RBFOX1: variants seen among roughly 807,000 people sequenced by gnomAD.
RBFOX1 encodes RNA binding protein fox-1 homolog 1.
In RBFOX1, 8 loss-of-function variants were observed where a neutral mutation model predicts 57.7. That is an observed-to-expected ratio of 0.14 (90% confidence interval 0.08 to 0.25). The LOEUF is 0.25. Ranked by LOEUF, RBFOX1 falls within the 10% of genes least tolerant of loss-of-function variation. The pLI is 1.00. For synonymous variants in RBFOX1, 326 were observed against 222.4 expected (o/e 1.47, Z -4.15); for missense variants, 611 against 548.5 (o/e 1.11, Z -1.14).
intron 3 of RBFOX1, among the ~76,000 whole-genome samples, chr16:6,838,936 A>AT (rs529600366): frequency 0.021 from 3,183 of 148,190 alleles, 92 homozygotes; most frequent in African/African-American, 0.066. Context: ...CTGGTTTTTG[A>AT]TTTTTTTTTT....
chr16:6,713,764 G>A (rs2064190609), intron 3 of RBFOX1, among the ~76,000 whole-genome samples: 1 of 152,064 alleles, frequency 6.6e-6, no homozygotes, highest in African/African-American at 2.4e-5. Context: ...GGCAACTCCT[G>A]CTCACCCTTC....
chr16:7,130,288 G>A (rs2069912997), intron 4 of RBFOX1, among the ~76,000 whole-genome samples: 1 of 152,116 alleles, frequency 6.6e-6, no homozygotes, highest in African/African-American at 2.4e-5. Flanking sequence ...ACCCACATCA[G>A]CTTCCCAAAG....
intron 2 of RBFOX1, among the ~76,000 whole-genome samples, chr16:6,426,154 G>C (rs1418266): frequency 0.42 from 63,788 of 150,472 alleles, 16,295 homozygotes; most frequent in African/African-American, 0.72. Flanking sequence ...CTCTCTTTCT[G>C]TCTTTCCCTC....
At chr16:7,597,514 A>G in intron 9 of RBFOX1, 83 bp downstream of exon 9, 1 of 1,279,296 alleles carries the variant, frequency 7.8e-7, no homozygotes, top group Non-Finnish European at 1.1e-6. Flanking sequence ...TATTACAACA[A>G]GCTGTGTTTG....
Position 7,084,401 on chromosome 16 carries a change from A to G in RBFOX1, c.27+32303A>G, listed in dbSNP as rs140330655. Among the ~76,000 whole-genome samples the G allele has an allele frequency of 3.0e-3, 454 of 152,308 alleles. 2 individuals carry two copies. The highest frequency in any genetic ancestry group is 0.011 in the African/African-American group (441 of 41,562). On this transcript the variant is annotated intron_variant, in intron 4 of 15. Transcript: ENST00000550418. ...TAATATTTGAACAAATAATCTTGCT[A>G]TGTACACCTCGAAGAGGAAAAAAGA...
chr16:7,619,263 C>T (rs1239463715), intron 10 of RBFOX1, among the ~76,000 whole-genome samples: 3 of 152,034 alleles, frequency 2.0e-5, no homozygotes, highest in Non-Finnish European at 4.4e-5. Context: ...GGTTGATGTG[C>T]ATGTGATATT....
intron 1 of RBFOX1, among the ~76,000 whole-genome samples, chr16:6,219,697 A>G (rs1295227331): frequency 6.6e-6 from 1 of 152,158 alleles, no homozygotes; most frequent in African/African-American, 2.4e-5. Context: ...CAACATGGTG[A>G]AAACCTGTCT....
intron 1 of RBFOX1, among the ~76,000 whole-genome samples, chr16:6,065,337 A>G (rs149489291): frequency 1.3e-4 from 20 of 151,808 alleles, no homozygotes; most frequent in South Asian, 2.1e-4. Context: ...ACGCGGCCCT[A>G]TGATTCTTAT....
At chr16:6,659,409 G>A (rs58843964) in intron 3 of RBFOX1, among the ~76,000 whole-genome samples, 5,587 of 152,142 alleles carry the variant, frequency 0.037, 260 homozygotes, top group East Asian at 0.1. Context: ...GATAGCTTTC[G>A]TGCTGTGGTT....
intron 3 of RBFOX1, among the ~76,000 whole-genome samples, chr16:6,791,793 T>C (rs2083007145): frequency 6.6e-6 from 1 of 152,096 alleles, no homozygotes; most frequent in African/African-American, 2.4e-5. Context: ...CAGGACCCTT[T>C]GAGTGGCATC....
chr16:6,351,463 T>C (rs186160335), intron 2 of RBFOX1, among the ~76,000 whole-genome samples: 56 of 149,328 alleles, frequency 3.8e-4, no homozygotes, highest in Middle Eastern at 3.5e-3. Context: ...AACCTCTATC[T>C]CCCAGGTTCA....
At chr16:7,690,937 A>C (rs1366182851) in intron 14 of RBFOX1, among the ~76,000 whole-genome samples, 3 of 152,128 alleles carry the variant, frequency 2.0e-5, no homozygotes, top group Non-Finnish European at 4.4e-5. Context: ...CACCAAAGCC[A>C]ATCTGATTTT....
chr16:6,968,999 A>C (rs921716193), intron 3 of RBFOX1, among the ~76,000 whole-genome samples: 2 of 152,090 alleles, frequency 1.3e-5, no homozygotes, highest in Non-Finnish European at 2.9e-5. Flanking sequence ...ATATCTGAGC[A>C]AAGTCAGAAT....
intron 12 of RBFOX1, among the ~76,000 whole-genome samples, chr16:7,663,017 G>A (rs754498549): frequency 2.6e-5 from 4 of 152,192 alleles, no homozygotes; most frequent in Non-Finnish European, 5.9e-5. Flanking sequence ...AAAGGGCATT[G>A]CCAGCACAAG....
intron 5 of RBFOX1, among the ~76,000 whole-genome samples, chr16:7,538,259 A>T (rs977574261): frequency 4.6e-5 from 7 of 152,154 alleles, no homozygotes; most frequent in African/African-American, 1.7e-4. Context: ...TCCTTCCGCC[A>T]TCAATAAGAT....
At chr16:6,262,680 C>T (rs957622370) in intron 1 of RBFOX1, among the ~76,000 whole-genome samples, 4 of 152,096 alleles carry the variant, frequency 2.6e-5, no homozygotes, top group African/African-American at 4.8e-5. Context: ...GGGTTGAGGG[C>T]TGTGATTTAT....
At chr16:6,662,727 C>T (rs2098709226) in intron 3 of RBFOX1, among the ~76,000 whole-genome samples, 2 of 152,088 alleles carry the variant, frequency 1.3e-5, no homozygotes, top group South Asian at 2.1e-4. Flanking sequence ...ACCCAGAGCC[C>T]CTGACAGGCA....
At chr16:7,668,079 C>T (rs1009545882) in intron 13 of RBFOX1, among the ~76,000 whole-genome samples, 2 of 152,166 alleles carry the variant, frequency 1.3e-5, no homozygotes, top group Admixed American at 1.3e-4. Context: ...TCAAAATGTT[C>T]TCCATCCTGG....
At chr16:5,269,998 G>T (rs796986574) in intron 1 of RBFOX1, among the ~76,000 whole-genome samples, 24 of 152,062 alleles carry the variant, frequency 1.6e-4, no homozygotes, top group African/African-American at 5.1e-4. Flanking sequence ...CTACAAAAAA[G>T]AAAAAATAAA....
Sources: gnomAD v4.1 joint callset for allele counts (sites outside exome capture counted in the v4.1 genomes callset) on GRCh38, gnomAD v4.1.1 for gene constraint, MANE v1.5 for transcripts, NCBI Gene and HGNC (gene_info 2026-07-23, HGNC 2026-07-21) for gene names.